Variants in DYNC1I2 observed in about 807,000 individuals in gnomAD.
DYNC1I2 encodes cytoplasmic dynein 1 intermediate chain 2.
A neutral mutation model predicts 88.6 loss-of-function variants in DYNC1I2; 53 were observed. That is an observed-to-expected ratio of 0.60 (90% CI 0.48 to 0.75). DYNC1I2 has a LOEUF of 0.75. DYNC1I2 is among the 30% of genes least tolerant of loss of function. DYNC1I2 has a pLI of 0.00. For synonymous variants in DYNC1I2, 198 were observed against 254.6 expected (o/e 0.78, Z 2.12); for missense variants, 458 against 766.6 (o/e 0.60, Z 4.75).
chr2:171,690,818 C>A (rs1429545345), intron 2 of DYNC1I2, among the ~76,000 whole-genome samples: 1 of 151,768 alleles, frequency 6.6e-6, no homozygotes, highest in East Asian at 1.9e-4. Flanking sequence ...CTATGCTAGG[C>A]TAATTTTTGT....
intron 15 of DYNC1I2, among the ~76,000 whole-genome samples, chr2:171,739,257 A>G (rs115926786): frequency 0.024 from 3,628 of 152,244 alleles, 59 homozygotes; most frequent in Middle Eastern, 0.037. Flanking sequence ...TTGGTTTTTA[A>G]ATTAAAAACA....
intron 10 of DYNC1I2, chr2:171,726,526 T>C (rs1387742597): frequency 1.8e-6 from 1 of 544,996 alleles, no homozygotes; most frequent in Non-Finnish European, 3.1e-6. Context: ...TTTACTAATT[T>C]CAGTTGCTCA....
chr2:171,693,294 T>C (rs1685527337), intron 3 of DYNC1I2, among the ~76,000 whole-genome samples: 1 of 152,210 alleles, frequency 6.6e-6, no homozygotes, highest in Non-Finnish European at 1.5e-5. Context: ...ATGCAAAATA[T>C]ATTAGTATTC....
At chr2:171,729,350 G>C (rs1324890793) in intron 14 of DYNC1I2, among the ~76,000 whole-genome samples, 1 of 152,110 alleles carries the variant, frequency 6.6e-6, no homozygotes, top group African/African-American at 2.4e-5. Flanking sequence ...TGAGTGTCCA[G>C]ATTTCATCTC....
At chr2:171,696,143 A>G (rs758707005) in intron 3 of DYNC1I2, among the ~76,000 whole-genome samples, 1 of 152,130 alleles carries the variant, frequency 6.6e-6, no homozygotes, top group Non-Finnish European at 1.5e-5. Flanking sequence ...AAACCCTTCT[A>G]ATCTGTTAAC....
chr2:171,745,368 C>A (rs578117962), intron 16 of DYNC1I2, among the ~76,000 whole-genome samples: 1 of 152,302 alleles, frequency 6.6e-6, no homozygotes, highest in South Asian at 2.1e-4. Context: ...ATACAGGTTT[C>A]AGCTGATAGA....
chr2:171,741,698 T>C (rs1391722399), intron 15 of DYNC1I2, among the ~76,000 whole-genome samples: 2 of 152,224 alleles, frequency 1.3e-5, no homozygotes, highest in Non-Finnish European at 2.9e-5. Context: ...ACCTACTTTT[T>C]CTTTTATCAT....
chr2:171,712,188 A>G (rs963134045), intron 5 of DYNC1I2, among the ~76,000 whole-genome samples: 1 of 152,194 alleles, frequency 6.6e-6, no homozygotes, highest in Non-Finnish European at 1.5e-5. Flanking sequence ...TGCTTAACCC[A>G]TAAATTACAG....
At chr2:171,691,176 T>G (rs1485869725) in intron 2 of DYNC1I2, among the ~76,000 whole-genome samples, 1 of 152,218 alleles carries the variant, frequency 6.6e-6, no homozygotes, top group African/African-American at 2.4e-5. Flanking sequence ...TACTGAGTAG[T>G]AGGTTTGATG....
At chr2:171,742,467 T>C (rs902578060) in intron 15 of DYNC1I2, among the ~76,000 whole-genome samples, 4 of 152,222 alleles carry the variant, frequency 2.6e-5, no homozygotes, top group African/African-American at 9.6e-5. Context: ...CCATGGCACC[T>C]GGGCCAGCTT....
chr2:171,747,862 G>C lies in DYNC1I2; in HGVS notation c.1890G>C (p.Glu630Asp), dbSNP rs1344729340. The stretch of plus-strand genomic sequence containing the variant: ...ATGCAAACCGAGCTGATGCAGAGGA[G>C]GAAGCAGCTACCCGAATACCTGCTT... Reference protein sequence around the residue: ...EINANRADAEEEAATRIPA With the variant: ...EINANRADAEDEAATRIPA Residue 630 changes from glutamate (E) to aspartate (D), a missense_variant, in exon 18 of 18, where the codon GAG becomes GAC. Around this residue, in one of 5 missense-constraint regions of DYNC1I2, gnomAD observed 188 missense variants for 300.4 expected, o/e 0.63. Coordinates refer to ENST00000397119, the MANE Select transcript of DYNC1I2 (RefSeq NM_001378.3). The C allele has an allele frequency of 6.2e-7, 1 of 1,610,762 alleles. No homozygotes were observed. The highest frequency in any genetic ancestry group is 1.3e-5 in the African/African-American group (1 of 74,856).
At chr2:171,700,091 T>G (rs1229151700) in intron 3 of DYNC1I2, among the ~76,000 whole-genome samples, 1 of 152,164 alleles carries the variant, frequency 6.6e-6, no homozygotes, top group Admixed American at 6.5e-5. Context: ...AAGATTTCAG[T>G]TAGAGCTTTA....
At chr2:171,739,243 A>G (rs1689231265) in intron 15 of DYNC1I2, among the ~76,000 whole-genome samples, 1 of 152,206 alleles carries the variant, frequency 6.6e-6, no homozygotes, top group African/African-American at 2.4e-5. Context: ...GTTTTATTAA[A>G]ATTTTGGTTT....
chr2:171,697,212 G>A (rs1263085978), intron 3 of DYNC1I2, among the ~76,000 whole-genome samples: 4 of 151,624 alleles, frequency 2.6e-5, no homozygotes, highest in African/African-American at 9.7e-5. Context: ...ATAGAGATGG[G>A]GTCTCACTAT....
At chr2:171,702,868 A>G (rs1282421076) in intron 3 of DYNC1I2, among the ~76,000 whole-genome samples, 1 of 152,100 alleles carries the variant, frequency 6.6e-6, no homozygotes, top group Non-Finnish European at 1.5e-5. Context: ...TCACACTACC[A>G]TAGCCATCTA....
In DYNC1I2 at chr2:171,743,819, A is replaced by G. The variant is rs577442447; in HGVS notation, c.1537-230A>G. 4.6e-5 allele frequency among the ~76,000 whole-genome samples: 7 copies of G among 152,256 alleles called. No homozygotes were observed. In the South Asian group the frequency reaches 1.4e-3, roughly 31 times the overall value. ...TGTTCTATTTCTTTTTTTAAACAGT[A>G]TGGCATCTACAAGTTAAAAAGAAAA... On this transcript the variant is annotated intron_variant, in intron 15 of 17. Coordinates refer to ENST00000397119, the MANE Select transcript of DYNC1I2 (RefSeq NM_001378.3).
chr2:171,688,037 T>G (rs973014650), intron 1 of DYNC1I2: 2 of 151,674 alleles, frequency 1.3e-5, no homozygotes, highest in African/African-American at 4.9e-5. Context: ...GCGAGAGGAG[T>G]CCACTCCTTT....
At chr2:171,695,210 C>G (rs543356145) in intron 3 of DYNC1I2, among the ~76,000 whole-genome samples, 150 of 152,248 alleles carry the variant, frequency 9.9e-4, no homozygotes, top group Non-Finnish European at 2.9e-5. Flanking sequence ...AGCGATTCTC[C>G]TGCCTCAGCC....
chr2:171,728,961 C>A, intron 14 of DYNC1I2, 111 bp downstream of exon 14: 1 of 1,239,336 alleles, frequency 8.1e-7, no homozygotes. Flanking sequence ...TTATTTGTGA[C>A]AGATTTTTTG....
Sources: allele counts gnomAD v4.1 joint callset (sites outside exome capture counted in the v4.1 genomes callset), GRCh38; gene constraint gnomAD v4.1.1; regional missense constraint gnomAD v4.1.1; transcripts MANE v1.5; gene names NCBI Gene and HGNC (gene_info 2026-07-23, HGNC 2026-07-21).